MYO1D: variants seen among roughly 807,000 people sequenced by gnomAD.
MYO1D encodes the protein myosin ID.
Under a neutral mutation model 122.0 loss-of-function variants are expected in MYO1D, and 83 were observed. The ratio of observed to expected loss-of-function variants is 0.68; its 90% CI spans 0.57 to 0.82. MYO1D has a LOEUF of 0.82. Among genes scored for constraint, MYO1D ranks in the 40% least tolerant of loss-of-function variants. The pLI, the probability that MYO1D is intolerant of heterozygous loss-of-function variation, is 0.00. For synonymous variants in MYO1D, 464 were observed against 446.9 expected, an observed-to-expected ratio of 1.04 and a Z score of -0.48; for missense variants, 1,157 against 1,269.5, an observed-to-expected ratio of 0.91 and a Z score of 1.35.
At chr17:32,822,702 T>C (rs1212211519) in intron 1 of MYO1D, among the ~76,000 whole-genome samples, 5 of 150,788 alleles carry the variant, frequency 3.3e-5, no homozygotes, top group Non-Finnish European at 5.9e-5. Flanking sequence ...TCCCTCCTCC[T>C]CTTTCCTCCG....
intron 1 of MYO1D, among the ~76,000 whole-genome samples, chr17:32,839,445 A>C (rs2090856894): frequency 6.6e-6 from 1 of 152,208 alleles, no homozygotes; most frequent in African/African-American, 2.4e-5. Flanking sequence ...AAGTGCTTTT[A>C]AATTGGGCCA....
Position 32,771,014 on chromosome 17 carries a change from G to A in MYO1D, c.714+111C>T, listed in dbSNP as rs932061236. On this transcript the variant is annotated intron_variant, in intron 6 of 21. Transcript: ENST00000318217. ...ATTTAAAAAATAGAACAGGATAAAAGAGATGTTTATTTGCCTAAAGATAGC... is the reference window on the plus strand; with the variant it reads ...ATTTAAAAAATAGAACAGGATAAAAAAGATGTTTATTTGCCTAAAGATAGC... 4 of 684,382 alleles carry A rather than the reference G, an allele frequency of 5.8e-6. No homozygotes were observed. The Admixed American group carries it at 1.2e-4, about 20-fold the overall frequency. 42.4% of individuals were successfully genotyped at this position (684,382 alleles called of 1,614,324 possible). A position where few individuals can be genotyped will look rare whatever the true frequency, so the allele number is the denominator to read the frequency against.
At chr17:32,719,807 AAG>A (rs1177176775) in intron 15 of MYO1D, among the ~76,000 whole-genome samples, 1 of 152,202 alleles carries the variant, frequency 6.6e-6, no homozygotes, top group Non-Finnish European at 1.5e-5. Flanking sequence ...TCTGATTACA[AAG>A]TTTGACATGA....
At chr17:32,850,446 G>C (rs939785956) in intron 1 of MYO1D, among the ~76,000 whole-genome samples, 1 of 152,116 alleles carries the variant, frequency 6.6e-6, no homozygotes, top group East Asian at 1.9e-4. Context: ...AAAGAATGCA[G>C]CCACTTTATT....
intron 1 of MYO1D, among the ~76,000 whole-genome samples, chr17:32,855,272 G>T (rs2091018894): frequency 6.6e-6 from 1 of 152,050 alleles, no homozygotes; most frequent in African/African-American, 2.4e-5. Flanking sequence ...CACTGCCTGT[G>T]CCAAGACTGT....
intron 20 of MYO1D, among the ~76,000 whole-genome samples, chr17:32,621,535 A>T (rs321153): frequency 0.58 from 88,186 of 151,870 alleles, 26,380 homozygotes; most frequent in African/African-American, 0.71. Context: ...AGGTTCTCCT[A>T]GCTTAGAAGA....
chr17:32,857,915 T>C (rs2091040661), intron 1 of MYO1D, among the ~76,000 whole-genome samples: 2 of 152,360 alleles, frequency 1.3e-5, no homozygotes, highest in Admixed American at 6.5e-5. Flanking sequence ...TCCAATTATA[T>C]CATTATTCTT....
At chr17:32,534,259 T>C (rs561167271) in intron 21 of MYO1D, among the ~76,000 whole-genome samples, 1 of 152,326 alleles carries the variant, frequency 6.6e-6, no homozygotes. Context: ...ATTGAATTTC[T>C]GGGCTCAAGT....
At chr17:32,631,352 T>G (rs1439591169) in intron 20 of MYO1D, among the ~76,000 whole-genome samples, 1 of 152,132 alleles carries the variant, frequency 6.6e-6, no homozygotes, top group Admixed American at 6.5e-5. Flanking sequence ...TAAAAGGCAG[T>G]CTTTGGCTAG....
intron 21 of MYO1D, among the ~76,000 whole-genome samples, chr17:32,576,409 C>CT (rs2087278852): frequency 6.6e-6 from 1 of 152,134 alleles, no homozygotes; most frequent in African/African-American, 2.4e-5. Context: ...TAACTGTAAT[C>CT]TCTTATAAAA....
At chr17:32,814,142 G>A (rs2090594639) in intron 1 of MYO1D, among the ~76,000 whole-genome samples, 1 of 152,092 alleles carries the variant, frequency 6.6e-6, no homozygotes, top group South Asian at 2.1e-4. Context: ...TCAAGAGATC[G>A]AGACCATCCT....
At chr17:32,589,272 G>A (rs2087417795) in intron 21 of MYO1D, among the ~76,000 whole-genome samples, 1 of 152,170 alleles carries the variant, frequency 6.6e-6, no homozygotes, top group African/African-American at 2.4e-5. Flanking sequence ...GGTTCCCTAT[G>A]CTCTACGCTG....
Position 32,719,511 on chromosome 17 carries a change from C to T in MYO1D, c.1913+1512G>A, listed in dbSNP as rs551031021. Reference sequence around the variant, plus strand: ...GACTACAGGCGCCCGCCACCACGCCCGGCTAATTTTTTGTATTTTTAGTAG... The same window carrying T: ...GACTACAGGCGCCCGCCACCACGCCTGGCTAATTTTTTGTATTTTTAGTAG... On this transcript the variant is annotated intron_variant, in intron 15 of 21. Transcript: ENST00000318217. 3.4e-4 allele frequency among the ~76,000 whole-genome samples: 51 copies of T among 151,996 alleles called. 1 individual carries two copies. Among genetic ancestry groups the T allele is most frequent in the Middle Eastern group, 6.8e-3 (2 of 294 alleles).
At chr17:32,711,785 T>C (rs1218913014) in intron 16 of MYO1D, among the ~76,000 whole-genome samples, 1 of 152,086 alleles carries the variant, frequency 6.6e-6, no homozygotes, top group Non-Finnish European at 1.5e-5. Flanking sequence ...TAAAATAATT[T>C]TGAACTTGGG....
chr17:32,758,941 T>C (rs537888035), intron 10 of MYO1D, among the ~76,000 whole-genome samples: 39 of 152,286 alleles, frequency 2.6e-4, no homozygotes, highest in South Asian at 2.5e-3. Flanking sequence ...TTACTTACCC[T>C]GTTGTCAATT....
At chr17:32,758,786 G>T (rs1019075485) in intron 10 of MYO1D, among the ~76,000 whole-genome samples, 2 of 152,128 alleles carry the variant, frequency 1.3e-5, no homozygotes, top group African/African-American at 4.8e-5. Context: ...AATTGTGGGG[G>T]GATCTGCCAT....
intron 1 of MYO1D, among the ~76,000 whole-genome samples, chr17:32,805,249 C>T (rs2090500696): frequency 6.6e-6 from 1 of 152,184 alleles, no homozygotes. Context: ...CAATACATTT[C>T]TGTTGCTTAT....
At chr17:32,831,283 G>A (rs149493051) in intron 1 of MYO1D, among the ~76,000 whole-genome samples, 1 of 152,280 alleles carries the variant, frequency 6.6e-6, no homozygotes, top group African/African-American at 2.4e-5. Context: ...TCGCTTGGAG[G>A]AGAAAGAAAC....
At position 32,764,943 on chromosome 17, in the gene MYO1D, G is replaced by A. The variant is rs773359084; in HGVS notation, c.970C>T (p.Arg324Cys). 17 of 1,614,052 alleles carry A rather than the reference G, an allele frequency of 1.1e-5. No homozygotes were observed. The highest frequency in any genetic ancestry group is 8.0e-5 in the African/African-American group (6 of 74,924). The part of the protein sequence containing the change: ...ALLYRTVATG[R>C]DIIDKQHTEQ... Reference sequence around the variant, plus strand: ...GTGTGCTGCTTGTCAATGATGTCACGGCCTGTGGCCACAGTCCGGTAAAGA... The same window carrying A: ...GTGTGCTGCTTGTCAATGATGTCACAGCCTGTGGCCACAGTCCGGTAAAGA... Residue 324 changes from arginine (R) to cysteine (C), a missense_variant, in exon 8 of 22, where the codon CGT (arginine) becomes TGT (cysteine). By Grantham distance (180) the Arg-to-Cys change is radical. Coordinates refer to ENST00000318217, the MANE Select transcript of MYO1D (RefSeq NM_015194.3).
Sources: gnomAD v4.1 joint callset for allele counts (sites outside exome capture counted in the v4.1 genomes callset) on GRCh38, gnomAD v4.1.1 for gene constraint, MANE v1.5 for transcripts, NCBI Gene and HGNC (gene_info 2026-07-23, HGNC 2026-07-21) for gene names.